The following CFAP221 variants were observed in gnomAD, a reference collection of about 807,000 sequenced individuals.
The protein encoded by CFAP221 is cilia and flagella associated protein 221.
Under a neutral mutation model 113.1 loss-of-function variants are expected in CFAP221, and 97 were observed. That is an observed-to-expected ratio of 0.86 (90% CI 0.73 to 1.02). CFAP221 has a LOEUF of 1.02. Among genes scored for constraint, CFAP221 ranks in the 50% least tolerant of loss-of-function variants. The pLI is 0.00. For synonymous variants in CFAP221, 331 were observed against 354.4 expected, an observed-to-expected ratio of 0.93 and a Z score of 0.74; for missense variants, 1,025 against 1,013.4, an observed-to-expected ratio of 1.01 and a Z score of -0.16.
At chr2:119,545,139 C>T (rs2104994369) in intron 1 of CFAP221, 1 of 152,208 alleles carries the variant, frequency 6.6e-6, no homozygotes, top group South Asian at 2.1e-4. Flanking sequence ...TGATGTTGTC[C>T]GTCTTGGGAG....
intron 22 of CFAP221, among the ~76,000 whole-genome samples, chr2:119,647,457 G>T (rs1687880399): frequency 6.6e-6 from 1 of 152,172 alleles, no homozygotes; most frequent in Admixed American, 6.5e-5. Flanking sequence ...CCAGTGAAAT[G>T]GTTTTGAATC....
chr2:119,631,231 T>A (rs1686756748), intron 19 of CFAP221: 1 of 426,166 alleles, frequency 2.3e-6, no homozygotes. Context: ...AAAAAATCTG[T>A]GGGAAATTAA....
At chr2:119,645,094 A>G (rs568273565) in intron 21 of CFAP221, among the ~76,000 whole-genome samples, 1 of 127,170 alleles carries the variant, frequency 7.9e-6, no homozygotes, top group South Asian at 2.7e-4. Flanking sequence ...TTCTTTTCTC[A>G]TTCCTTTAGC....
intron 7 of CFAP221, among the ~76,000 whole-genome samples, chr2:119,600,745 C>T (rs993096649): frequency 3.3e-5 from 5 of 151,970 alleles, no homozygotes; most frequent in East Asian, 1.9e-4. Context: ...AAAGTTAAAC[C>T]GACTGTGCCT....
chr2:119,562,140 T>C (rs867935567), intron 6 of CFAP221, 26 bp downstream of exon 6: 3 of 1,448,288 alleles, frequency 2.1e-6, no homozygotes, highest in Middle Eastern at 1.8e-4. Flanking sequence ...GTCAACAAAA[T>C]GTATAGGATG....
chr2:119,603,800 TAAAA>T (rs1684524214), intron 8 of CFAP221, among the ~76,000 whole-genome samples: 1 of 152,026 alleles, frequency 6.6e-6, no homozygotes, highest in African/African-American at 2.4e-5. Context: ...AAATAATTTC[TAAAA>T]AAAGAAAAAA....
In CFAP221 at chr2:119,625,612, G is replaced by T. The variant is rs548971876; in HGVS notation, c.1440G>T (p.Met480Ile). ...TGATTCAGGGACGATTATTCAATAT[G>T]CTGAGTGCTGTTCGTGAAATGGACA... The part of the protein sequence containing the change: ...KVMIQGRLFN[M>I]LSAVREMDKE... Residue 480 changes from methionine (M) to isoleucine (I), a missense_variant, in exon 15 of 24, where the codon ATG becomes ATT. Physicochemically the swap from Met to Ile is conservative, Grantham distance 10. Coordinates refer to ENST00000413369, the MANE Select transcript of CFAP221 (RefSeq NM_001271049.2). 26 of 1,613,662 alleles carry T rather than the reference G, an allele frequency of 1.6e-5. No individual in the cohort carries two copies. The Admixed American group carries it at 2.0e-4, about 12-fold the overall frequency.
rs1686691002 is a variant in CFAP221 at position 119,630,517 on chromosome 2, C to T, written c.1732-53C>T. On this transcript the variant is annotated intron_variant, in intron 17 of 23. Transcript: ENST00000413369. ...GAAATGCTGTTGTTGAGAAGTAGAT[C>T]CCACCAAATGGTAACAGGTTTTTAA... The T allele has an allele frequency of 2.9e-6, 4 of 1,376,156 alleles. No homozygotes were observed. In the East Asian group the frequency reaches 6.9e-5, roughly 24 times the overall value. 85.2% of individuals were successfully genotyped at this position (1,376,156 alleles called of 1,614,324 possible).
In CFAP221 at chr2:119,656,524, C is replaced by A; in HGVS notation, c.*54C>A. The A allele has an allele frequency of 1.6e-6, 2 of 1,276,966 alleles. No individual in the cohort carries two copies. Among genetic ancestry groups the A allele is most frequent in the East Asian group, 2.4e-5 (1 of 42,364 alleles). 79.1% of individuals were successfully genotyped at this position (1,276,966 alleles called of 1,614,324 possible). ...TTGCTTTCCGTGGGCCACTGTGGCC[C>A]CTTGCGTCCATTTACATGCCAGCCA... is the stretch of plus-strand genomic sequence containing the variant. On this transcript the variant is annotated 3_prime_UTR_variant, in exon 24 of 24. Transcript: ENST00000413369.
intron 19 of CFAP221, among the ~76,000 whole-genome samples, chr2:119,632,701 C>CAAAA (rs34915791): frequency 9.1e-6 from 1 of 109,626 alleles, no homozygotes; most frequent in South Asian, 3.0e-4. Flanking sequence ...TCTTTATTTA[C>CAAAA]AAAAAAAAAA....
chr2:119,564,028 T>G (rs1440709137), intron 6 of CFAP221, among the ~76,000 whole-genome samples: 3 of 152,106 alleles, frequency 2.0e-5, no homozygotes, highest in Non-Finnish European at 4.4e-5. Context: ...AGCAGGTAGA[T>G]AAAGACTGTG....
chr2:119,571,894 A>G (rs1682085285), intron 6 of CFAP221, among the ~76,000 whole-genome samples: 1 of 152,232 alleles, frequency 6.6e-6, no homozygotes, highest in African/African-American at 2.4e-5. Context: ...ATTGGGACAG[A>G]ATTGTCAGAG....
chr2:119,628,067 G>A (rs998569398), intron 16 of CFAP221, among the ~76,000 whole-genome samples: 1 of 152,170 alleles, frequency 6.6e-6, no homozygotes, highest in African/African-American at 2.4e-5. Context: ...CTGGAACTGC[G>A]CCTGAGTGCA....
intron 16 of CFAP221, among the ~76,000 whole-genome samples, chr2:119,629,579 G>T (rs1686620679): frequency 6.6e-6 from 1 of 152,202 alleles, no homozygotes; most frequent in Non-Finnish European, 1.5e-5. Context: ...ACTCCTGGCA[G>T]CTAGGGACTG....
At chr2:119,572,428 ATCT>A (rs1000820024) in intron 6 of CFAP221, 7 of 566,584 alleles carry the variant, frequency 1.2e-5, no homozygotes, top group Non-Finnish European at 2.2e-5. Flanking sequence ...TACAATCTCA[ATCT>A]TCTTATAATA....
At position 119,630,708 on chromosome 2, in the gene CFAP221, T is replaced by C. The variant is rs1686711630; in HGVS notation, c.1839+31T>C. The C allele has an allele frequency of 1.9e-6, 3 of 1,605,592 alleles. No individual in the cohort carries two copies. In the East Asian group the frequency reaches 6.7e-5, roughly 36 times the overall value. On this transcript the variant is annotated intron_variant, in intron 18 of 23. Coordinates refer to ENST00000413369, the MANE Select transcript of CFAP221 (RefSeq NM_001271049.2). The stretch of plus-strand genomic sequence containing the variant: ...ACACCCCCATCTTCCAGAATCTCTC[T>C]CATCTTTTCCCTCTTATCCTGGCAT...
chr2:119,574,388 G>C (rs1288760742), intron 6 of CFAP221, among the ~76,000 whole-genome samples: 1 of 152,204 alleles, frequency 6.6e-6, no homozygotes, highest in Non-Finnish European at 1.5e-5. Flanking sequence ...TATCAGTACT[G>C]AGAAGTAAGA....
chr2:119,605,086 T>C (rs1684643138), intron 10 of CFAP221, 95 bp from the exon 11 acceptor site: 1 of 1,457,516 alleles, frequency 6.9e-7, no homozygotes, highest in Admixed American at 1.7e-5. Context: ...TTCAGTTAGA[T>C]TGCTGTTATG....
downstream of CFAP221, among the ~76,000 whole-genome samples, chr2:119,657,959 G>C (rs925472326): frequency 2.0e-5 from 3 of 152,178 alleles, no homozygotes; most frequent in Non-Finnish European, 4.4e-5. Context: ...TTGGTTGCTT[G>C]GCTAAAGTGG....
Sources: allele counts gnomAD v4.1 joint callset (sites outside exome capture counted in the v4.1 genomes callset), GRCh38; gene constraint gnomAD v4.1.1; transcripts MANE v1.5; gene names NCBI Gene and HGNC (gene_info 2026-07-23, HGNC 2026-07-21).